PWWP4: variants seen among roughly 807,000 people sequenced by gnomAD.
The protein encoded by PWWP4 is PWWP domain containing 4.
At chrX:153,269,972 C>T (rs1412894872), upstream of PWWP4, among the ~76,000 whole-genome samples, 5 of 111,035 alleles carry the variant, frequency 4.5e-5, no homozygotes, top group East Asian at 6.9e-4. Flanking sequence ...TGCACATTGG[C>T]GCATCGGCAA....
At chrX:153,267,324 T>C (rs1744404895), upstream of PWWP4, among the ~76,000 whole-genome samples, 1 of 95,813 alleles carries the variant, frequency 1.0e-5, no homozygotes, top group African/African-American at 4.4e-5. Flanking sequence ...ACGGTGCCTT[T>C]ATTGTACTAA....
chrX:153,266,368 T>C, the PWWP4 span, among the ~76,000 whole-genome samples: 1 of 101,053 alleles, frequency 9.9e-6, no homozygotes, highest in Non-Finnish European at 2.0e-5. Flanking sequence ...TGTGGACATG[T>C]GTGTATGTGT....
At chrX:153,266,487 ATG>A in the PWWP4 span, among the ~76,000 whole-genome samples, 2 of 70,915 alleles carry the variant, frequency 2.8e-5, no homozygotes, top group South Asian at 6.8e-4. Flanking sequence ...GTGTGTGAGG[ATG>A]TGTGTGTGTG....
rs2051824400 is a variant in PWWP4, at chrX:153,275,723, A to AC, written c.4107dup (p.Thr1370HisfsTer13). On this transcript the variant is annotated frameshift_variant, in exon 1 of 1. Coordinates refer to ENST00000458091, the Ensembl canonical transcript of PWWP4. LOFTEE classifies it high-confidence loss of function. ...CTGCATGGTGACAGCTCCCAGGTGC[A>AC]CACGACCATTGCTCCAACTCCAGGC... is the stretch of plus-strand genomic sequence containing the variant. Among the ~76,000 whole-genome samples the AC allele has an allele frequency of 3.7e-4, 34 of 90,778 alleles. No individual in the cohort carries two copies. The highest frequency in any genetic ancestry group is 1.5e-3 in the African/African-American group (31 of 21,177). The allele number at this position is 90,778 out of a possible 115,157, so 78.8% of individuals were successfully genotyped here. A position where few individuals can be genotyped will look rare whatever the true frequency, so the allele number is the denominator to read the frequency against.
upstream of PWWP4, among the ~76,000 whole-genome samples, chrX:153,271,612 C>G (rs1461627952): frequency 2.8e-5 from 3 of 105,576 alleles, no homozygotes; most frequent in African/African-American, 1.1e-4. Flanking sequence ...CTTTTCCCAG[C>G]TCATCATGGA....
upstream of PWWP4, among the ~76,000 whole-genome samples, chrX:153,270,217 A>AGAGAGAGAGAGAGAGAGAG (rs2051802197): frequency 9.3e-6 from 1 of 108,016 alleles, no homozygotes; most frequent in East Asian, 3.8e-4. Flanking sequence ...ACACACAGAG[A>AGAGAGAGAGAGAGAGAGAG]GAGAGAGAGA....
upstream of PWWP4, among the ~76,000 whole-genome samples, chrX:153,269,880 A>G (rs1275493006): frequency 1.8e-5 from 2 of 112,683 alleles, no homozygotes; most frequent in Admixed American, 9.6e-5. Context: ...TGAGGTAGGA[A>G]CACGGGCATT....
chrX:153,271,813 A>C (rs2051807548), exon 1 of PWWP4, among the ~76,000 whole-genome samples: 1 of 70,257 alleles, frequency 1.4e-5, no homozygotes, highest in Non-Finnish European at 2.5e-5. Context: ...GATGGAAGAC[A>C]TTGCCGCCTC....
upstream of PWWP4, among the ~76,000 whole-genome samples, chrX:153,269,146 CGTGTGTGTGTGTGT>C (rs782450017): frequency 2.7e-4 from 10 of 36,939 alleles, no homozygotes; most frequent in East Asian, 1.0e-3. Context: ...GAGTTTCCAA[CGTGTGTGTGTGTGT>C]GTGTGTGTGT....
upstream of PWWP4, among the ~76,000 whole-genome samples, chrX:153,269,280 G>T (rs1246338871): frequency 2.6e-4 from 1 of 3,837 alleles, no homozygotes; most frequent in Non-Finnish European, 3.8e-4. Flanking sequence ...TGGGCTTGAG[G>T]GTGCCCAGTC....
chrX:153,270,273 T>C (rs2051802549), upstream of PWWP4, among the ~76,000 whole-genome samples: 1 of 107,423 alleles, frequency 9.3e-6, no homozygotes, highest in Non-Finnish European at 1.9e-5. Context: ...GGAATCCTTC[T>C]GTCTTAGGGG....
chrX:153,266,230 G>C, the PWWP4 span, among the ~76,000 whole-genome samples: 1 of 91,748 alleles, frequency 1.1e-5, no homozygotes, highest in Admixed American at 1.2e-4. Context: ...GTCAAGACTA[G>C]TAGGTGTCTG....
At chrX:153,266,729 T>C (rs1350543632), upstream of PWWP4, among the ~76,000 whole-genome samples, 31 of 77,985 alleles carry the variant, frequency 4.0e-4, no homozygotes, top group Non-Finnish European at 6.3e-4. Context: ...AGGATGGAAA[T>C]TTGCTCGCCT....
chrX:153,266,414 G>T, the PWWP4 span, among the ~76,000 whole-genome samples: 7 of 96,906 alleles, frequency 7.2e-5, no homozygotes, highest in African/African-American at 1.2e-4. Context: ...TGTGTTTGGG[G>T]GTGTGTGTGT....
upstream of PWWP4, among the ~76,000 whole-genome samples, chrX:153,270,363 A>G (rs1276692853): frequency 1.0e-5 from 1 of 99,204 alleles, no homozygotes; most frequent in African/African-American, 3.9e-5. Context: ...TAACAGGGAA[A>G]TTGTTTGAGA....
At chrX:153,266,383 G>A in the PWWP4 span, among the ~76,000 whole-genome samples, 37 of 100,815 alleles carry the variant, frequency 3.7e-4, no homozygotes, top group South Asian at 1.6e-3. Context: ...ATGTGTGTGC[G>A]CGCGTGTGTG....
upstream of PWWP4, among the ~76,000 whole-genome samples, chrX:153,270,281 G>A (rs1392588746): frequency 1.9e-5 from 2 of 107,039 alleles, no homozygotes; most frequent in African/African-American, 7.0e-5. Context: ...TCTGTCTTAG[G>A]GGGATGCTCT....
At chrX:153,270,186 C>CTG (rs2051801861), upstream of PWWP4, among the ~76,000 whole-genome samples, 1 of 100,541 alleles carries the variant, frequency 9.9e-6, no homozygotes, top group Non-Finnish European at 2.0e-5. Flanking sequence ...TTCTCTCTCT[C>CTG]TCTCTCTCTC....
chrX:153,276,028 G>A (rs1254032986), exon 1 of PWWP4, among the ~76,000 whole-genome samples: 2 of 96,052 alleles, frequency 2.1e-5, no homozygotes, highest in South Asian at 4.4e-4. Flanking sequence ...CCCTCTGCGC[G>A]GTGACAGCTC....
Sources: gnomAD v4.1 joint callset for allele counts (sites outside exome capture counted in the v4.1 genomes callset) on GRCh38, gnomAD v4.1.1 for gene constraint, MANE v1.5 for transcripts, NCBI Gene and HGNC (gene_info 2026-07-23, HGNC 2026-07-21) for gene names.